THRB: variants seen among roughly 807,000 people sequenced by gnomAD.
The protein encoded by THRB is nuclear receptor subfamily 1 group A member 2.
A neutral mutation model predicts 47.8 loss-of-function variants in THRB; 12 were observed. The observed-to-expected ratio is 0.25, with a 90% CI of 0.16 to 0.41. The LOEUF (loss-of-function observed/expected upper bound fraction) is 0.41, where lower values mean the gene tolerates loss of function less well. Among genes scored for constraint, THRB ranks in the 10% least tolerant of loss-of-function variants. The pLI, the probability that THRB is intolerant of heterozygous loss-of-function variation, is 1.00. For missense variants in THRB, 348 were observed against 589.2 expected (o/e 0.59, Z 4.24); for synonymous variants, 218 against 212.2 (o/e 1.03, Z -0.24).
chr3:24,492,423 T>C (rs187640307), intron 1 of THRB, among the ~76,000 whole-genome samples: 3 of 152,286 alleles, frequency 2.0e-5, no homozygotes, highest in African/African-American at 7.2e-5. Context: ...GGGACCGCCT[T>C]TGCTCAAGTG....
intron 4 of THRB, among the ~76,000 whole-genome samples, chr3:24,213,995 C>A (rs1324687212): frequency 1.3e-5 from 2 of 152,200 alleles, no homozygotes; most frequent in Non-Finnish European, 2.9e-5. Context: ...TCACTACCTA[C>A]CTTCTAGACA....
intron 4 of THRB, among the ~76,000 whole-genome samples, chr3:24,203,976 CTGA>C (rs922566086): frequency 1.5e-4 from 23 of 152,370 alleles, no homozygotes; most frequent in African/African-American, 5.3e-4. Flanking sequence ...CCCGCCATTG[CTGA>C]GGCTTGAGTA....
At chr3:24,245,662 C>T (rs1238906982) in intron 3 of THRB, among the ~76,000 whole-genome samples, 2 of 152,146 alleles carry the variant, frequency 1.3e-5, no homozygotes, top group African/African-American at 4.8e-5. Context: ...CCTGTAATCC[C>T]AGCACTTTGG....
intron 3 of THRB, among the ~76,000 whole-genome samples, chr3:24,268,660 C>T (rs2052914877): frequency 6.6e-6 from 1 of 152,140 alleles, no homozygotes; most frequent in Non-Finnish European, 1.5e-5. Context: ...ATTTACCCAT[C>T]CTTCCTTTCT....
At chr3:24,315,843 G>T (rs921703205) in intron 2 of THRB, among the ~76,000 whole-genome samples, 1 of 152,162 alleles carries the variant, frequency 6.6e-6, no homozygotes, top group Non-Finnish European at 1.5e-5. Context: ...AGAGAGCAGC[G>T]ATAATTTGGC....
intron 7 of THRB, 76 bp downstream of exon 7, chr3:24,146,598 GC>G: frequency 6.7e-7 from 1 of 1,490,220 alleles, no homozygotes; most frequent in Non-Finnish European, 9.3e-7. Flanking sequence ...CTTCTTTTCT[GC>G]CCAGTCGATC....
chr3:24,471,400 T>C (rs1291710603), intron 1 of THRB, among the ~76,000 whole-genome samples: 2 of 152,242 alleles, frequency 1.3e-5, no homozygotes, highest in Non-Finnish European at 2.9e-5. Context: ...TTAAGGCATC[T>C]ACATGCTTAT....
At chr3:24,327,633 T>C (rs1366986763) in intron 2 of THRB, among the ~76,000 whole-genome samples, 1 of 152,212 alleles carries the variant, frequency 6.6e-6, no homozygotes, top group Non-Finnish European at 1.5e-5. Context: ...GGAGCTTACA[T>C]TTTAGTGGAT....
At chr3:24,207,969 C>G (rs975744185) in intron 4 of THRB, among the ~76,000 whole-genome samples, 1 of 152,152 alleles carries the variant, frequency 6.6e-6, no homozygotes. Flanking sequence ...CCCAAAATCT[C>G]CTTAAGCTGA....
At chr3:24,183,899 C>G (rs1026221477) in intron 5 of THRB, among the ~76,000 whole-genome samples, 7 of 152,040 alleles carry the variant, frequency 4.6e-5, no homozygotes, top group Admixed American at 1.3e-4. Flanking sequence ...TTATGCACAT[C>G]ATTATTCATT....
intron 4 of THRB, among the ~76,000 whole-genome samples, chr3:24,221,732 C>G (rs147389114): frequency 6.6e-6 from 1 of 152,288 alleles, no homozygotes; most frequent in East Asian, 1.9e-4. Flanking sequence ...GATTACCTAG[C>G]TGCTCAAATT....
chr3:24,325,565 T>C (rs758482623), intron 2 of THRB, among the ~76,000 whole-genome samples: 8 of 152,190 alleles, frequency 5.3e-5, no homozygotes, highest in Non-Finnish European at 8.8e-5. Context: ...TGCCTGCCTG[T>C]AATCTCAGCT....
chr3:24,305,617 C>G (rs2057283509), intron 2 of THRB, among the ~76,000 whole-genome samples: 1 of 152,104 alleles, frequency 6.6e-6, no homozygotes, highest in Admixed American at 6.5e-5. Context: ...ATTGTAAAAG[C>G]AAACTGGTTA....
chr3:24,184,724 G>A (rs757260176), intron 5 of THRB, among the ~76,000 whole-genome samples: 1 of 152,158 alleles, frequency 6.6e-6, no homozygotes, highest in Non-Finnish European at 1.5e-5. Context: ...TGCCCTTGAG[G>A]TATAAGAATC....
intron 2 of THRB, among the ~76,000 whole-genome samples, chr3:24,300,045 T>C (rs1182859737): frequency 6.6e-6 from 1 of 152,034 alleles, no homozygotes; most frequent in Non-Finnish European, 1.5e-5. Context: ...CATCTCTAGA[T>C]CTGTCCAGCC....
At chr3:24,222,502 G>C (rs1235624249) in intron 4 of THRB, among the ~76,000 whole-genome samples, 1 of 152,076 alleles carries the variant, frequency 6.6e-6, no homozygotes, top group South Asian at 2.1e-4. Context: ...GACTCATCAG[G>C]GTTTTAGCCT....
At chr3:24,491,108 C>T (rs1432091305) in intron 1 of THRB, among the ~76,000 whole-genome samples, 1 of 152,054 alleles carries the variant, frequency 6.6e-6, no homozygotes, top group African/African-American at 2.4e-5. Context: ...ACCTCCAGAC[C>T]CCCTTTTTTT....
rs565259186 is a variant in THRB at position 24,208,042 on chromosome 3, T to C, written c.23-17708A>G. On this transcript the variant is annotated intron_variant, in intron 4 of 10. Coordinates refer to ENST00000646209, the MANE Select transcript of THRB (RefSeq NM_001354712.2). ...TGTGCAAAAATCACAAGCATTCCTA[T>C]ACACCAATAACAGACAAACAGAGAG... 7.2e-5 allele frequency among the ~76,000 whole-genome samples: 11 copies of C among 152,222 alleles called. No homozygotes were observed. In the East Asian group the frequency reaches 2.1e-3, roughly 29 times the overall value.
At chr3:24,333,978 C>T (rs1483604965) in intron 2 of THRB, among the ~76,000 whole-genome samples, 7 of 152,316 alleles carry the variant, frequency 4.6e-5, no homozygotes, top group South Asian at 4.2e-4. Context: ...AGTCCCATTT[C>T]GCTCATCAGG....
Sources: gnomAD v4.1 joint callset for allele counts (sites outside exome capture counted in the v4.1 genomes callset) on GRCh38, gnomAD v4.1.1 for gene constraint, MANE v1.5 for transcripts, NCBI Gene and HGNC (gene_info 2026-07-23, HGNC 2026-07-21) for gene names.